The following WFDC5 variants were observed in gnomAD, a reference collection of about 807,000 sequenced individuals.
The protein encoded by WFDC5 is WAP four-disulfide core domain 5.
WFDC5 carries 15 observed loss-of-function variants against 15.7 expected under a neutral mutation model. The observed-to-expected ratio is 0.96, with a 90% CI of 0.64 to 1.47. The LOEUF (loss-of-function observed/expected upper bound fraction) is 1.47. Among genes scored for constraint, WFDC5 ranks in the 40% most tolerant of loss-of-function variants. The probability of loss-of-function intolerance (pLI) is 0.00; values close to 1 mark genes in which losing one functional copy is unlikely to be tolerated. For missense variants in WFDC5, 280 were observed against 258.0 expected, an observed-to-expected ratio of 1.09 and a Z score of -0.59; for synonymous variants, 109 against 107.7, an observed-to-expected ratio of 1.01 and a Z score of -0.07.
At chr20:45,115,079 C>A in exon 1 of WFDC5, 1 of 1,612,652 alleles carries the variant, frequency 6.2e-7, no homozygotes, top group South Asian at 1.1e-5. Flanking sequence ...GCTCTGGGTC[C>A]TCATATTTCT....
intron 1 of WFDC5, 88 bp downstream of exon 1, chr20:45,114,911 G>T: frequency 7.1e-7 from 1 of 1,407,218 alleles, no homozygotes. Flanking sequence ...ACCCCACAGG[G>T]CATTACCTGC....
In WFDC5 at chr20:45,114,890, C is replaced by T. The variant is rs528765292; in HGVS notation, c.85+109G>A. The T allele has an allele frequency of 1.7e-4, 140 of 845,854 alleles. No homozygotes were observed. In the East Asian group the frequency reaches 3.4e-3, roughly 20 times the overall value. 52.4% of individuals were successfully genotyped at this position (845,854 alleles called of 1,614,324 possible). ...ACACACGCACGCACGCACACACACACGCGCACACACACCCCACAGGGCATT... is the reference window on the plus strand; with the variant it reads ...ACACACGCACGCACGCACACACACATGCGCACACACACCCCACAGGGCATT... On this transcript the variant is annotated intron_variant, in intron 1 of 3. Coordinates refer to ENST00000307971, the Ensembl canonical transcript of WFDC5.
At position 45,114,888 on chromosome 20, in the gene WFDC5, C is replaced by T. The variant is rs948082360; in HGVS notation, c.85+111G>A. On this transcript the variant is annotated intron_variant, in intron 1 of 3. Transcript: ENST00000307971. ...ACACACACGCACGCACGCACACACA[C>T]ACGCGCACACACACCCCACAGGGCA... is the stretch of plus-strand genomic sequence containing the variant. The T allele has an allele frequency of 2.2e-5, 24 of 1,089,750 alleles. No individual in the cohort carries two copies. In the East Asian group the frequency reaches 3.5e-4, roughly 16 times the overall value. The allele number at this position is 1,089,750 out of a possible 1,614,324, so 67.5% of individuals were successfully genotyped here. A position where few individuals can be genotyped will look rare whatever the true frequency, so the allele number is the denominator to read the frequency against.
In WFDC5 at chr20:45,115,119, G is replaced by T; in HGVS notation, c.-36C>A. The T allele has an allele frequency of 1.3e-6, 2 of 1,596,000 alleles. No homozygotes were observed. Among genetic ancestry groups the T allele is most frequent in the South Asian group, 1.1e-5 (1 of 90,384 alleles). On this transcript the variant is annotated 5_prime_UTR_variant, in exon 1 of 4. It adds an upstream start codon to the 5' untranslated region. Coordinates refer to ENST00000307971, the Ensembl canonical transcript of WFDC5. ...CCGGCTCAGGGCCCAGGGCCCCCCAGATTAACACCTGCAGCCTCAGGGAAG... is the reference window on the plus strand; with the variant it reads ...CCGGCTCAGGGCCCAGGGCCCCCCATATTAACACCTGCAGCCTCAGGGAAG...
At position 45,111,246 on chromosome 20, in the gene WFDC5, C is replaced by T. The variant is rs545153534; in HGVS notation, c.86-471G>A. On this transcript the variant is annotated intron_variant, in intron 1 of 3. Coordinates refer to ENST00000307971, the Ensembl canonical transcript of WFDC5. ...CAGAAACATCGCATCCTCAGAAGAC[C>T]CTACTTCTCTGACCCCACATTAACT... Among the ~76,000 whole-genome samples, 27 of 152,124 alleles carry T rather than the reference C, an allele frequency of 1.8e-4. 1 individual carries two copies. In the South Asian group the frequency reaches 5.4e-3, roughly 30 times the overall value.
chr20:45,115,927 G>A (rs1459048960), upstream of WFDC5, among the ~76,000 whole-genome samples: 1 of 152,134 alleles, frequency 6.6e-6, no homozygotes, highest in East Asian at 1.9e-4. Context: ...GCATCCTAAG[G>A]GACATCCTAA....
rs79417830 is a variant in WFDC5 at position 45,110,459 on chromosome 20, G to A, written c.308C>T (p.Ser103Leu). 7.8e-3 allele frequency: 12,538 copies of A among 1,613,798 alleles called. 104 individuals carry two copies. The highest frequency in any genetic ancestry group is 0.044 in the East Asian group (1,974 of 44,882). Reference sequence around the variant, plus strand: ...GCTGTGGCAGCATCGCTTTTTGCCCGAGCAGTCTGAGTCCTTGTGACACAG... The same window carrying A: ...GCTGTGGCAGCATCGCTTTTTGCCCAAGCAGTCTGAGTCCTTGTGACACAG... Residue 103 changes from serine (S) to leucine (L), a missense_variant, in exon 3 of 4, where the codon TCG becomes TTG. Ser to Leu is a moderately radical substitution (Grantham distance 145). Coordinates refer to ENST00000307971, the Ensembl canonical transcript of WFDC5.
upstream of WFDC5, among the ~76,000 whole-genome samples, chr20:45,115,440 A>C (rs1600611942): frequency 1.3e-5 from 2 of 152,122 alleles, no homozygotes. Flanking sequence ...GCTCTCAAAG[A>C]TGTTGAAGCC....
At chr20:45,113,099 T>C (rs528282084) in intron 1 of WFDC5, among the ~76,000 whole-genome samples, 196 of 152,304 alleles carry the variant, frequency 1.3e-3, no homozygotes, top group Non-Finnish European at 2.4e-3. Context: ...CAGACACATA[T>C]ATCTTCCCAA....
intron 1 of WFDC5, among the ~76,000 whole-genome samples, chr20:45,112,906 A>C (rs1319321586): frequency 2.0e-5 from 3 of 152,208 alleles, no homozygotes; most frequent in Non-Finnish European, 4.4e-5. Flanking sequence ...TGTACATATG[A>C]GCTGGAACAT....
chr20:45,115,787 T>A (rs1307791911), upstream of WFDC5, among the ~76,000 whole-genome samples: 3 of 152,168 alleles, frequency 2.0e-5, no homozygotes, highest in African/African-American at 7.2e-5. Flanking sequence ...GTGTGGCCAC[T>A]GGAACCTCTT....
In WFDC5 at chr20:45,115,064, A is replaced by T. The variant is rs1568799612; in HGVS notation, c.20T>A (p.Leu7His). 4 of 1,613,368 alleles carry T rather than the reference A, an allele frequency of 2.5e-6. No individual in the cohort carries two copies. The South Asian group carries it at 4.4e-5, about 18-fold the overall frequency. Residue 7 changes from leucine (L) to histidine (H), a missense_variant, in exon 1 of 4, where the codon CTC becomes CAC. Physicochemically the swap from Leu to His is moderately conservative, Grantham distance 99. Transcript: ENST00000307971. ...CACAGCCAGGAGGGCCCCCAGGAGG[A>T]GAAGGCTCTGGGTCCTCATATTTCT...
intron 3 of WFDC5, 139 bp downstream of exon 3, chr20:45,110,261 C>A: frequency 1.4e-6 from 2 of 1,431,320 alleles, no homozygotes; most frequent in Non-Finnish European, 1.9e-6. Flanking sequence ...TCCTCCAACC[C>A]CTATCCAGTT....
At chr20:45,110,605 T>C (rs1356380684) in intron 2 of WFDC5, 30 bp downstream of exon 2, 1 of 1,613,916 alleles carries the variant, frequency 6.2e-7, no homozygotes, top group South Asian at 1.1e-5. Flanking sequence ...GGGGCTTGGA[T>C]GGTCAGCAAG....
chr20:45,110,769 G>A lies in WFDC5; in HGVS notation c.92C>T (p.Ser31Leu), dbSNP rs551709664. The change falls in exon 2 of 4, where the codon TCG becomes TTG. Residue 31 changes from serine (S) to leucine (L), a missense_variant. Ser to Leu is a moderately radical substitution (Grantham distance 145). Transcript: ENST00000307971. ...CCCATCATCTGGCGGGCAGCCCCCC[G>A]ATTTCTCTGTAAGAGAATCTCCTAA... 26 of 1,613,818 alleles carry A rather than the reference G, an allele frequency of 1.6e-5. No individual in the cohort carries two copies. In the Admixed American group the frequency reaches 3.2e-4, roughly 20 times the overall value.
exon 2 of WFDC5, chr20:45,110,677 A>C: frequency 6.2e-7 from 1 of 1,614,138 alleles, no homozygotes; most frequent in South Asian, 1.1e-5. Context: ...GCTCTGTAGC[A>C]GCACTTCCTG....
rs116290527 is a variant in WFDC5, at chr20:45,111,183, C to T, written c.86-408G>A. Among the ~76,000 whole-genome samples the T allele has an allele frequency of 7.5e-3, 1,137 of 152,334 alleles. 14 individuals carry two copies. Among genetic ancestry groups the T allele is most frequent in the African/African-American group, 0.026 (1,099 of 41,564 alleles). The stretch of plus-strand genomic sequence containing the variant: ...GCATCCTTTGCCTAGTGCACTTCTC[C>T]TGTACTCCATGCGCCTGGTCAGCTC... On this transcript the variant is annotated intron_variant, in intron 1 of 3. Transcript: ENST00000307971.
chr20:45,110,611 G>C, intron 2 of WFDC5, 24 bp downstream of exon 2: 1 of 1,614,052 alleles, frequency 6.2e-7, no homozygotes, highest in Non-Finnish European at 8.5e-7. Context: ...TGGATGGTCA[G>C]CAAGGTGGAG....
At chr20:45,110,800 C>T (rs1388382803) in intron 1 of WFDC5, 25 bp from the exon 2 acceptor site, 1 of 1,612,750 alleles carries the variant, frequency 6.2e-7, no homozygotes, top group Admixed American at 1.7e-5. Flanking sequence ...CCTAATATTG[C>T]AGCTGGAGGA....
Sources: gnomAD v4.1 joint callset for allele counts (sites outside exome capture counted in the v4.1 genomes callset) on GRCh38, gnomAD v4.1.1 for gene constraint, MANE v1.5 for transcripts, NCBI Gene and HGNC (gene_info 2026-07-23, HGNC 2026-07-21) for gene names.